The following MIA3 variants were observed in gnomAD, a reference collection of about 807,000 sequenced individuals.
MIA3 encodes MIA SH3 domain ER export factor 3.
A neutral mutation model predicts 192.4 loss-of-function variants in MIA3; 90 were observed. The observed-to-expected ratio is 0.47, with a 90% CI of 0.39 to 0.56. The LOEUF (loss-of-function observed/expected upper bound fraction) is 0.56. MIA3 is among the 20% of genes least tolerant of loss of function. The pLI is 0.00. For missense variants in MIA3, 2,123 were observed against 2,269.4 expected, an observed-to-expected ratio of 0.94 and a Z score of 1.31; for synonymous variants, 740 against 792.8, an observed-to-expected ratio of 0.93 and a Z score of 1.12.
chr1:222,653,727 G>A (rs1441455436), intron 15 of MIA3, among the ~76,000 whole-genome samples: 1 of 152,186 alleles, frequency 6.6e-6, no homozygotes, highest in African/African-American at 2.4e-5. Context: ...TACTGAGGTG[G>A]TTGGAGGCAT....
At position 222,666,252 on chromosome 1, in the gene MIA3, C is replaced by A. The variant is rs576249291; in HGVS notation, c.*633C>A. ...GAAGATGGTGGCTGGTGGCACACTT[C>A]CGGCTGCTCCTCCGTCACCTGTGAA... On this transcript the variant is annotated 3_prime_UTR_variant, in exon 28 of 28. Coordinates refer to ENST00000344922, the MANE Select transcript of MIA3 (RefSeq NM_198551.4). The A allele has an allele frequency of 6.6e-6, 1 of 152,206 alleles. No individual in the cohort carries two copies. Among genetic ancestry groups the A allele is most frequent in the Non-Finnish European group, 1.5e-5 (1 of 68,058 alleles). 9.4% of individuals were successfully genotyped at this position (152,206 alleles called of 1,614,324 possible).
At position 222,667,254 on chromosome 1, in the gene MIA3, G is replaced by A. The variant is rs541695868; in HGVS notation, c.*1635G>A. 3 of 152,210 alleles carry A rather than the reference G, an allele frequency of 2.0e-5. No individual in the cohort carries two copies. The highest frequency in any genetic ancestry group is 1.9e-4 in the East Asian group (1 of 5,176). 9.4% of individuals were successfully genotyped at this position (152,210 alleles called of 1,614,324 possible). A position where few individuals can be genotyped will look rare whatever the true frequency, so the allele number is the denominator to read the frequency against. ...GAGAATTCAATCTATATGTCCTCCC[G>A]TTTAATATCAAGAATAGAAGAAATT... is the stretch of plus-strand genomic sequence containing the variant. On this transcript the variant is annotated 3_prime_UTR_variant, in exon 28 of 28. Coordinates refer to ENST00000344922, the MANE Select transcript of MIA3 (RefSeq NM_198551.4).
rs1304765117 is a variant in MIA3 at position 222,651,175 on chromosome 1, GT to G, written c.3909+274del. Among the ~76,000 whole-genome samples the G allele has an allele frequency of 5.3e-5, 8 of 150,744 alleles. No individual in the cohort carries two copies. In the East Asian group the frequency reaches 1.4e-3, roughly 26 times the overall value. ...ACATGTGGAACAACTAAGAAACCCA[GT>G]TGAACAGTCCTTGTGTTTTGTTTTG... On this transcript the variant is annotated intron_variant, in intron 11 of 27. Coordinates refer to ENST00000344922, the MANE Select transcript of MIA3 (RefSeq NM_198551.4).
chr1:222,667,628 A>C lies in MIA3; in HGVS notation c.*2009A>C, dbSNP rs1311732646. The C allele has an allele frequency of 6.6e-6, 1 of 152,178 alleles. No individual in the cohort carries two copies. The highest frequency in any genetic ancestry group is 1.5e-5 in the Non-Finnish European group (1 of 68,034). The allele number at this position is 152,178 out of a possible 1,614,324, so 9.4% of individuals were successfully genotyped here. A position where few individuals can be genotyped will look rare whatever the true frequency, so the allele number is the denominator to read the frequency against. On this transcript the variant is annotated 3_prime_UTR_variant, in exon 28 of 28. Transcript: ENST00000344922. ...CTGAGAAGTTGTGAGCCAGTCCATA[A>C]CTGCTTCCTCACATCCATCTGATTG...
At chr1:222,644,466 G>A (rs1426611777) in intron 6 of MIA3, 2 of 1,550,570 alleles carry the variant, frequency 1.3e-6, no homozygotes, top group East Asian at 4.9e-5. Context: ...GCGTTCAGCT[G>A]TTCTACACAA....
chr1:222,647,438 G>C (rs549488240), intron 7 of MIA3, among the ~76,000 whole-genome samples: 1 of 152,166 alleles, frequency 6.6e-6, no homozygotes, highest in East Asian at 1.9e-4. Context: ...CTCTTTTTCT[G>C]ATTTCATAAT....
rs1389707856 is a variant in MIA3, at chr1:222,650,387, T to C, written c.3720+7T>C. 3 of 1,463,142 alleles carry C rather than the reference T, an allele frequency of 2.1e-6. No homozygotes were observed. The South Asian group carries it at 3.6e-5, about 18-fold the overall frequency. 90.6% of individuals were successfully genotyped at this position (1,463,142 alleles called of 1,614,324 possible). ...GTCAAATTATGAACAGAAGGTATGA[T>C]TATTCTTTGTTTTTTTTTTTTTTCA... On this transcript the variant is annotated splice_region_variant and intron_variant, in intron 9 of 27. Transcript: ENST00000344922.
At chr1:222,635,817 C>T (rs1181127676) in intron 6 of MIA3, among the ~76,000 whole-genome samples, 1 of 152,186 alleles carries the variant, frequency 6.6e-6, no homozygotes, top group Non-Finnish European at 1.5e-5. Context: ...ATTCCCTGTA[C>T]TCTAACCCTG....
chr1:222,624,551 T>C (rs561293915), intron 2 of MIA3, among the ~76,000 whole-genome samples: 1 of 152,292 alleles, frequency 6.6e-6, no homozygotes, highest in East Asian at 1.9e-4. Flanking sequence ...TTGTGTTTAG[T>C]GCAATACTGT....
rs561109861 is a variant in MIA3, at chr1:222,632,789, A to G, written c.3332-315A>G. Among the ~76,000 whole-genome samples the G allele has an allele frequency of 3.3e-5, 5 of 152,282 alleles. No homozygotes were observed. In the South Asian group the frequency reaches 8.3e-4, roughly 25 times the overall value. ...CCCCTCTCTTTCCAAATAAAATACAATGCAATGCAGTTCTTTTTTTTGATT... is the reference window on the plus strand; with the variant it reads ...CCCCTCTCTTTCCAAATAAAATACAGTGCAATGCAGTTCTTTTTTTTGATT... On this transcript the variant is annotated intron_variant, in intron 5 of 27. Transcript: ENST00000344922.
intron 9 of MIA3, 57 bp downstream of exon 9, chr1:222,650,437 A>T: frequency 1.0e-6 from 1 of 988,044 alleles, no homozygotes; most frequent in Non-Finnish European, 1.5e-6. Flanking sequence ...ATTATTTGTC[A>T]CCTATCTTAT....
chr1:222,664,498 A>G (rs1431344694), intron 27 of MIA3, among the ~76,000 whole-genome samples: 1 of 152,220 alleles, frequency 6.6e-6, no homozygotes, highest in Non-Finnish European at 1.5e-5. Flanking sequence ...ACAAATATAC[A>G]CATTCTACAA....
chr1:222,630,282 T>G lies in MIA3; in HGVS notation c.3062T>G (p.Ile1021Ser), dbSNP rs1457664907. 8.1e-6 allele frequency: 13 copies of G among 1,614,076 alleles called. No homozygotes were observed. Among genetic ancestry groups the G allele is most frequent in the Non-Finnish European group, 1.1e-5 (13 of 1,180,032 alleles). The change falls in exon 4 of 28, where the codon ATT (isoleucine) becomes AGT (serine). Residue 1021 changes from isoleucine (I) to serine (S), a missense_variant. This residue lies in a region of MIA3 where 1,357 missense variants were observed against 1,396.1 expected (regional missense o/e 0.97). Coordinates refer to ENST00000344922, the MANE Select transcript of MIA3 (RefSeq NM_198551.4). ...GAAGAGGCTGCAGTGCTTGATGACA[T>G]TCAAGACCTCATCTATTTTGTCAGG... ...IFEEAAVLDDIQDLIYFVRYK... is the reference protein window; with the variant it reads ...IFEEAAVLDDSQDLIYFVRYK...
At chr1:222,662,001 A>G in intron 24 of MIA3, 55 bp from the exon 25 acceptor site, 1 of 1,455,922 alleles carries the variant, frequency 6.9e-7, no homozygotes, top group Non-Finnish European at 9.6e-7. Context: ...TCTGTCCACA[A>G]TTTATTATTT....
chr1:222,655,853 GT>G (rs1479196552), intron 18 of MIA3, among the ~76,000 whole-genome samples: 2 of 151,182 alleles, frequency 1.3e-5, no homozygotes, highest in Middle Eastern at 3.3e-3. Context: ...CAGTCTCCAT[GT>G]GTGGTTTGTA....
At chr1:222,651,648 GA>G (rs11418078) in intron 11 of MIA3, among the ~76,000 whole-genome samples, 15 of 148,682 alleles carry the variant, frequency 1.0e-4, no homozygotes, top group South Asian at 4.2e-4. Flanking sequence ...CTTGCCACAA[GA>G]AAAAAAAAAG....
rs190844966 is a variant in MIA3 at position 222,654,034 on chromosome 1, T to G, written c.4322-209T>G. Among the ~76,000 whole-genome samples the G allele has an allele frequency of 1.0e-3, 153 of 152,348 alleles. 1 individual carries two copies. Among genetic ancestry groups the G allele is most frequent in the Middle Eastern group, 6.8e-3 (2 of 294 alleles). On this transcript the variant is annotated intron_variant, in intron 15 of 27. Coordinates refer to ENST00000344922, the MANE Select transcript of MIA3 (RefSeq NM_198551.4). The stretch of plus-strand genomic sequence containing the variant: ...TGTTTCTTCTTGCTCAATAATGGCA[T>G]GTATAACATGTTTATTGTACAAATG...
intron 5 of MIA3, among the ~76,000 whole-genome samples, 198 bp from the exon 6 acceptor site, chr1:222,632,906 A>G (rs1029471953): frequency 6.6e-6 from 1 of 152,256 alleles, no homozygotes; most frequent in Non-Finnish European, 1.5e-5. Context: ...ACAGTACAGA[A>G]CACTGTAGTG....
intron 6 of MIA3, among the ~76,000 whole-genome samples, chr1:222,636,452 G>A (rs1397708718): frequency 6.7e-6 from 1 of 150,090 alleles, no homozygotes; most frequent in Non-Finnish European, 1.5e-5. Context: ...GGCTGAGGCT[G>A]AAGGAGAGAC....
Sources: gnomAD v4.1 joint callset for allele counts (sites outside exome capture counted in the v4.1 genomes callset) on GRCh38, gnomAD v4.1.1 for gene constraint, gnomAD v4.1.1 regional missense constraint, MANE v1.5 for transcripts, NCBI Gene and HGNC (gene_info 2026-07-23, HGNC 2026-07-21) for gene names.